Variants in TRDMT1 observed in about 807,000 individuals in gnomAD.
The protein encoded by TRDMT1 is tRNA aspartic acid methyltransferase 1.
TRDMT1 carries 49 observed loss-of-function variants against 51.2 expected under a neutral mutation model. The ratio of observed to expected loss-of-function variants is 0.96; its 90% CI spans 0.76 to 1.21. The LOEUF is 1.21. Ranked by LOEUF, TRDMT1 falls within the 50% of genes most tolerant of loss-of-function variation. TRDMT1 has a pLI of 0.00. For missense variants in TRDMT1, 534 were observed against 462.3 expected (o/e 1.16, Z -1.42); for synonymous variants, 187 against 164.6 (o/e 1.14, Z -1.04).
In TRDMT1 at chr10:17,195,425, T is replaced by C. The variant is rs958346333; in HGVS notation, c.64+6146A>G. On this transcript the variant is annotated intron_variant, in intron 1 of 10. Transcript: ENST00000377799. ...CATTGGATACTCATGGACAAAAAGATGGCAACAATAGACACCGGGGACTAC... is the reference window on the plus strand; with the variant it reads ...CATTGGATACTCATGGACAAAAAGACGGCAACAATAGACACCGGGGACTAC... Among the ~76,000 whole-genome samples, 6 of 152,098 alleles carry C rather than the reference T, an allele frequency of 3.9e-5. 1 individual carries two copies. In the South Asian group the frequency reaches 1.2e-3, roughly 32 times the overall value.
At chr10:17,169,481 G>C in intron 2 of TRDMT1, 1 of 1,289,762 alleles carries the variant, frequency 7.8e-7, no homozygotes. Context: ...TTGACAAGAT[G>C]CATCAAAAGA....
intron 1 of TRDMT1, 68 bp downstream of exon 1, chr10:17,201,503 T>G: frequency 7.6e-7 from 1 of 1,320,724 alleles, no homozygotes; most frequent in Non-Finnish European, 1.0e-6. Flanking sequence ...CTCCGCCCCT[T>G]CCCGGCGCGG....
At position 17,147,308 on chromosome 10, in the gene TRDMT1, T is replaced by C. The variant is rs552069188; in HGVS notation, c.*1732A>G. On this transcript the variant is annotated 3_prime_UTR_variant, in exon 11 of 11. Transcript: ENST00000377799. ...TGTAGATAGTGATAGTTTCTGTATA[T>C]GGGCTGGCTTACAGCTTCCCTACAT... is the stretch of plus-strand genomic sequence containing the variant. 442 of 985,588 alleles carry C rather than the reference T, an allele frequency of 4.5e-4. 13 individuals carry two copies. In the South Asian group the frequency reaches 0.019, roughly 43 times the overall value. 61.1% of individuals were successfully genotyped at this position (985,588 alleles called of 1,614,324 possible).
chr10:17,162,105 A>G (rs1338650202), intron 4 of TRDMT1, 61 bp downstream of exon 4: 1 of 1,441,310 alleles, frequency 6.9e-7, no homozygotes, highest in Non-Finnish European at 9.7e-7. Flanking sequence ...CAAACGTCAC[A>G]TTCTTCCAGA....
At chr10:17,156,036 C>T (rs1839446433) in intron 8 of TRDMT1, among the ~76,000 whole-genome samples, 1 of 152,128 alleles carries the variant, frequency 6.6e-6, no homozygotes. Flanking sequence ...TAAACTCTTT[C>T]CCCTGAAGTA....
intron 1 of TRDMT1, among the ~76,000 whole-genome samples, chr10:17,187,938 T>C (rs890318574): frequency 6.6e-6 from 1 of 152,210 alleles, no homozygotes; most frequent in African/African-American, 2.4e-5. Flanking sequence ...GTAGCCAAAA[T>C]AGTCAAATGA....
chr10:17,166,799 G>A (rs887226151), intron 3 of TRDMT1, among the ~76,000 whole-genome samples: 18 of 152,178 alleles, frequency 1.2e-4, no homozygotes, highest in African/African-American at 3.6e-4. Flanking sequence ...GGAAAGCTAC[G>A]GGGCCCTCTG....
intron 8 of TRDMT1, 43 bp from the exon 9 acceptor site, chr10:17,154,777 G>T: frequency 6.6e-7 from 1 of 1,516,532 alleles, no homozygotes; most frequent in Non-Finnish European, 9.0e-7. Context: ...TGATGTATGT[G>T]TTAATGCTAA....
chr10:17,150,604 G>A (rs1162207877), intron 10 of TRDMT1: 1 of 985,002 alleles, frequency 1.0e-6, no homozygotes, highest in Non-Finnish European at 1.2e-6. Context: ...GCATAGCAAG[G>A]AAATAAAGGA....
At chr10:17,153,480 G>T in intron 10 of TRDMT1, 27 bp downstream of exon 10, 1 of 1,611,046 alleles carries the variant, frequency 6.2e-7, no homozygotes, top group Non-Finnish European at 8.5e-7. Flanking sequence ...ATACATGAAA[G>T]CTGAATTCTG....
chr10:17,150,291 G>A, intron 10 of TRDMT1: 2 of 665,360 alleles, frequency 3.0e-6, no homozygotes, highest in Non-Finnish European at 3.7e-6. Context: ...GAGAAATGTT[G>A]ACTCAAATCC....
intron 1 of TRDMT1, among the ~76,000 whole-genome samples, chr10:17,183,572 C>T (rs1212950639): frequency 7.2e-5 from 11 of 152,038 alleles, no homozygotes; most frequent in Admixed American, 7.2e-4. Flanking sequence ...TGTGTGCCAC[C>T]ACGCCCGGCT....
At chr10:17,164,723 T>C (rs1393872502) in intron 3 of TRDMT1, among the ~76,000 whole-genome samples, 2 of 152,112 alleles carry the variant, frequency 1.3e-5, no homozygotes, top group Non-Finnish European at 2.9e-5. Context: ...TATACACCAA[T>C]AAAAGACAAA....
intron 1 of TRDMT1, among the ~76,000 whole-genome samples, chr10:17,178,388 G>C (rs1842869727): frequency 6.6e-6 from 1 of 152,034 alleles, no homozygotes; most frequent in Non-Finnish European, 1.5e-5. Flanking sequence ...AAAAGTTCTT[G>C]TATTTTGCTG....
intron 8 of TRDMT1, among the ~76,000 whole-genome samples, chr10:17,155,229 A>G (rs954535480): frequency 1.1e-3 from 161 of 152,280 alleles, no homozygotes; most frequent in African/African-American, 3.7e-3. Flanking sequence ...AATGATAATA[A>G]ATAATAAATG....
chr10:17,189,499 A>G (rs1265979972), intron 1 of TRDMT1, among the ~76,000 whole-genome samples: 1 of 152,200 alleles, frequency 6.6e-6, no homozygotes, highest in Non-Finnish European at 1.5e-5. Flanking sequence ...AGAACAAGCT[A>G]GAGATTAAGT....
intron 2 of TRDMT1, chr10:17,169,269 C>A: frequency 4.9e-6 from 5 of 1,016,096 alleles, no homozygotes; most frequent in Non-Finnish European, 6.3e-6. Context: ...TAATTGATAA[C>A]GTTCATGGAG....
intron 2 of TRDMT1, among the ~76,000 whole-genome samples, chr10:17,173,772 CTTTTTTTTTT>C (rs34140507): frequency 8.3e-6 from 1 of 121,012 alleles, no homozygotes; most frequent in Non-Finnish European, 1.7e-5. Context: ...AACACAATTT[CTTTTTTTTTT>C]TTTTTTTTTT....
At chr10:17,165,620 T>A (rs1443178398) in intron 3 of TRDMT1, among the ~76,000 whole-genome samples, 1 of 152,012 alleles carries the variant, frequency 6.6e-6, no homozygotes, top group Non-Finnish European at 1.5e-5. Flanking sequence ...AATCTACTCA[T>A]CTGACAAAGG....
Sources: allele counts gnomAD v4.1 joint callset (sites outside exome capture counted in the v4.1 genomes callset), GRCh38; gene constraint gnomAD v4.1.1; transcripts MANE v1.5; gene names NCBI Gene and HGNC (gene_info 2026-07-23, HGNC 2026-07-21).